ZFHX3: variants seen among roughly 807,000 people sequenced by gnomAD.
ZFHX3 encodes the protein zinc finger homeobox protein 3.
A neutral mutation model predicts 279.1 loss-of-function variants in ZFHX3; 42 were observed. That is an observed-to-expected ratio of 0.15 (90% CI 0.12 to 0.19). ZFHX3 has a LOEUF of 0.19. ZFHX3 is among the 10% of genes least tolerant of loss of function. The pLI is 1.00. For synonymous variants in ZFHX3, 2,293 were observed against 1,957.8 expected (o/e 1.17, Z -4.52); for missense variants, 4,981 against 4,754.0 (o/e 1.05, Z -1.40).
Position 72,785,478 on chromosome 16 carries a change from T to TAAC in ZFHX3, c.*1683_*1685dup, listed in dbSNP as rs1465121391. On this transcript the variant is annotated 3_prime_UTR_variant, in exon 10 of 10. Coordinates refer to ENST00000268489, the MANE Select transcript of ZFHX3 (RefSeq NM_006885.4). Reference sequence around the variant, plus strand: ...CCTCTCTGCTTGCAGAAGAAGCACATAACAACCTGGGAATCTTTTGTTTTT... The same window carrying TAAC: ...CCTCTCTGCTTGCAGAAGAAGCACATAACAACAACCTGGGAATCTTTTGTTTTT... 5 of 152,652 alleles carry TAAC rather than the reference T, an allele frequency of 3.3e-5. No homozygotes were observed. The highest frequency in any genetic ancestry group is 3.8e-4 in the East Asian group (2 of 5,198). The allele number at this position is 152,652 out of a possible 1,614,324, so 9.5% of individuals were successfully genotyped here.
chr16:73,396,285 T>A (rs2017128062), intron 3 of ZFHX3, among the ~76,000 whole-genome samples: 1 of 152,228 alleles, frequency 6.6e-6, no homozygotes, highest in South Asian at 2.1e-4. Flanking sequence ...TATTTATGAA[T>A]ATCTTGCACG....
chr16:73,090,199 G>GTCCAAA (rs1966056182), intron 8 of ZFHX3, among the ~76,000 whole-genome samples: 1 of 152,166 alleles, frequency 6.6e-6, no homozygotes, highest in African/African-American at 2.4e-5. Context: ...TTTGAGACCA[G>GTCCAAA]CCTCTGCAAC....
intron 2 of ZFHX3, among the ~76,000 whole-genome samples, chr16:73,673,516 C>T (rs1039598688): frequency 1.3e-5 from 2 of 152,078 alleles, no homozygotes; most frequent in Non-Finnish European, 2.9e-5. Flanking sequence ...ATTCCTTGGG[C>T]TCTCACAGTC....
chr16:73,484,421 C>T (rs944362712), intron 2 of ZFHX3, among the ~76,000 whole-genome samples: 7 of 152,148 alleles, frequency 4.6e-5, no homozygotes, highest in African/African-American at 1.7e-4. Context: ...TGCAGACTTT[C>T]GCCCTTGGCA....
chr16:73,614,643 A>G (rs2052280388), intron 2 of ZFHX3, among the ~76,000 whole-genome samples: 1 of 152,178 alleles, frequency 6.6e-6, no homozygotes, highest in African/African-American at 2.4e-5. Context: ...TGGAATCTGG[A>G]ACCTTTGACC....
chr16:73,572,133 G>A (rs62042968), intron 2 of ZFHX3, among the ~76,000 whole-genome samples: 9,887 of 130,012 alleles, frequency 0.076, 459 homozygotes, highest in Middle Eastern at 0.14. Context: ...AAAGTCAACC[G>A]AAAGCATCAA....
rs2143461185 is a variant in ZFHX3 at position 72,798,051 on chromosome 16, G to A, written c.4631C>T (p.Pro1544Leu). The stretch of plus-strand genomic sequence containing the variant: ...TTCCTTGCAGACGGTACACTTGTAA[G>A]GGCGAGAAGGGTCTAGGAACTTTTC... ...TMEKFLDPSR[P>L]YKCTVCKESF... The change falls in exon 9 of 10, where the codon CCT (proline) becomes CTT (leucine). Residue 1544 changes from proline to leucine, a missense_variant. Coordinates refer to ENST00000268489, the MANE Select transcript of ZFHX3 (RefSeq NM_006885.4). 1 of 1,614,222 alleles carries A rather than the reference G, an allele frequency of 6.2e-7. No individual in the cohort carries two copies.
At chr16:72,976,908 A>AT (rs1962373869) in intron 1 of ZFHX3, among the ~76,000 whole-genome samples, 1 of 152,216 alleles carries the variant, frequency 6.6e-6, no homozygotes, top group Non-Finnish European at 1.5e-5. Flanking sequence ...TCTAACCCCC[A>AT]CGGGGGTCTC....
chr16:73,139,977 G>T (rs1324580200), intron 6 of ZFHX3, among the ~76,000 whole-genome samples: 1 of 152,170 alleles, frequency 6.6e-6, no homozygotes, highest in Admixed American at 6.5e-5. Flanking sequence ...ACTTTCAGAA[G>T]TGAGATGGAG....
At chr16:73,684,979 G>A (rs1346894886) in intron 1 of ZFHX3, among the ~76,000 whole-genome samples, 4 of 151,008 alleles carry the variant, frequency 2.6e-5, no homozygotes, top group East Asian at 1.9e-4. Context: ...GATTACAGGC[G>A]TGAGCCACTG....
At chr16:73,699,774 C>A (rs1597072349) in intron 1 of ZFHX3, among the ~76,000 whole-genome samples, 1 of 152,192 alleles carries the variant, frequency 6.6e-6, no homozygotes, top group Admixed American at 6.5e-5. Context: ...TACTTTTACA[C>A]ACCAGTGACC....
chr16:73,709,646 G>A (rs2053338590), intron 1 of ZFHX3, among the ~76,000 whole-genome samples: 2 of 152,112 alleles, frequency 1.3e-5, no homozygotes, highest in Non-Finnish European at 1.5e-5. Context: ...AGGGCAATGT[G>A]GGTCAAAGGA....
At chr16:73,661,557 C>T (rs1016709372) in intron 2 of ZFHX3, among the ~76,000 whole-genome samples, 1 of 151,918 alleles carries the variant, frequency 6.6e-6, no homozygotes, top group African/African-American at 2.4e-5. Flanking sequence ...CCTGTCTCTA[C>T]AAAAAATACA....
At chr16:73,245,253 T>G (rs1385291515) in intron 5 of ZFHX3, among the ~76,000 whole-genome samples, 2 of 152,216 alleles carry the variant, frequency 1.3e-5, no homozygotes, top group Non-Finnish European at 2.9e-5. Context: ...CATCTTCACA[T>G]CCCCACTTTT....
intron 4 of ZFHX3, among the ~76,000 whole-genome samples, chr16:73,280,180 A>G (rs939551739): frequency 2.6e-5 from 4 of 152,218 alleles, no homozygotes; most frequent in African/African-American, 9.6e-5. Flanking sequence ...AGAAGAGAAC[A>G]TAGGGGAAAA....
chr16:73,801,074 C>A (rs1960132517), intron 1 of ZFHX3, among the ~76,000 whole-genome samples: 1 of 152,160 alleles, frequency 6.6e-6, no homozygotes, highest in African/African-American at 2.4e-5. Flanking sequence ...CACTTAGATT[C>A]TAATAAAAGA....
At chr16:73,295,947 T>C (rs2014898308) in intron 4 of ZFHX3, among the ~76,000 whole-genome samples, 1 of 152,176 alleles carries the variant, frequency 6.6e-6, no homozygotes, top group South Asian at 2.1e-4. Context: ...CCAGTTCCAA[T>C]GGCACCAGCA....
chr16:73,525,488 G>A (rs1441662591), intron 2 of ZFHX3, among the ~76,000 whole-genome samples: 1 of 152,140 alleles, frequency 6.6e-6, no homozygotes, highest in East Asian at 1.9e-4. Context: ...CACTTACTTA[G>A]TTTCAAGAAG....
intron 1 of ZFHX3, among the ~76,000 whole-genome samples, chr16:73,854,979 GA>G (rs1277428064): frequency 6.6e-6 from 1 of 151,976 alleles, no homozygotes; most frequent in Non-Finnish European, 1.5e-5. Flanking sequence ...CCTTGAGGTT[GA>G]ATAAGAACTC....
Sources: allele counts gnomAD v4.1 joint callset (sites outside exome capture counted in the v4.1 genomes callset), GRCh38; gene constraint gnomAD v4.1.1; transcripts MANE v1.5; gene names NCBI Gene and HGNC (gene_info 2026-07-23, HGNC 2026-07-21).